FOXP1: variants seen among roughly 807,000 people sequenced by gnomAD.
FOXP1 encodes forkhead box protein P1.
A neutral mutation model predicts 98.2 loss-of-function variants in FOXP1; 15 were observed. That is an observed-to-expected ratio of 0.15 (90% CI 0.10 to 0.24). FOXP1 has a LOEUF of 0.24. Among genes scored for constraint, FOXP1 ranks in the 10% least tolerant of loss-of-function variants. The pLI, the probability that FOXP1 is intolerant of heterozygous loss-of-function variation, is 1.00. For missense variants in FOXP1, 633 were observed against 848.5 expected, an observed-to-expected ratio of 0.75 and a Z score of 3.15; for synonymous variants, 371 against 314.5, an observed-to-expected ratio of 1.18 and a Z score of -1.90.
At chr3:71,322,251 T>C (rs960572195) in intron 4 of FOXP1, among the ~76,000 whole-genome samples, 4 of 152,190 alleles carry the variant, frequency 2.6e-5, no homozygotes, top group African/African-American at 9.6e-5. Flanking sequence ...TGAAAAACAG[T>C]AGTCATTAGC....
chr3:71,040,119 G>C (rs376813143), intron 11 of FOXP1, among the ~76,000 whole-genome samples: 6 of 148,762 alleles, frequency 4.0e-5, no homozygotes, highest in African/African-American at 1.2e-4. Context: ...ATGTATCTCT[G>C]TGTGTGTGTG....
intron 5 of FOXP1, among the ~76,000 whole-genome samples, chr3:71,221,168 T>C (rs1306857801): frequency 6.6e-6 from 1 of 152,208 alleles, no homozygotes; most frequent in East Asian, 1.9e-4. Context: ...GATCAGCAGC[T>C]GCATTAGATT....
At chr3:71,295,324 T>A (rs1028511764) in intron 5 of FOXP1, among the ~76,000 whole-genome samples, 3 of 152,168 alleles carry the variant, frequency 2.0e-5, no homozygotes, top group Non-Finnish European at 4.4e-5. Flanking sequence ...TTCAAATCAC[T>A]CACATATACA....
At chr3:71,117,255 T>G (rs2058440467) in intron 6 of FOXP1, among the ~76,000 whole-genome samples, 1 of 152,032 alleles carries the variant, frequency 6.6e-6, no homozygotes, top group Non-Finnish European at 1.5e-5. Context: ...ATCCAACTAA[T>G]TTTTCCATTT....
At position 71,406,940 on chromosome 3, in the gene FOXP1, C is replaced by A. The variant is rs558641443; in HGVS notation, c.-167-47696G>T. ...CAGTGCTTGGAGCACACCAGGGGCT[C>A]AACAGATGCTTATGGAGGGAAAGAA... is the stretch of plus-strand genomic sequence containing the variant. On this transcript the variant is annotated intron_variant, in intron 3 of 20. Transcript: ENST00000649528. Among the ~76,000 whole-genome samples, 294 of 152,066 alleles carry A rather than the reference C, an allele frequency of 1.9e-3. 1 individual carries two copies. The highest frequency in any genetic ancestry group is 6.8e-3 in the African/African-American group (284 of 41,464).
chr3:71,267,275 T>C (rs1361987123), intron 5 of FOXP1, among the ~76,000 whole-genome samples: 2 of 152,168 alleles, frequency 1.3e-5, no homozygotes, highest in Non-Finnish European at 2.9e-5. Flanking sequence ...GGCCCAGGTG[T>C]CTCTCCACTT....
At chr3:71,561,131 A>G (rs1013881530) in intron 2 of FOXP1, among the ~76,000 whole-genome samples, 1 of 152,018 alleles carries the variant, frequency 6.6e-6, no homozygotes, top group Non-Finnish European at 1.5e-5. Context: ...ATCTCGGCTC[A>G]CTGCAACCTC....
At chr3:71,048,953 C>T (rs775522724) in intron 9 of FOXP1, among the ~76,000 whole-genome samples, 1 of 152,036 alleles carries the variant, frequency 6.6e-6, no homozygotes, top group Non-Finnish European at 1.5e-5. Context: ...AAGCTGTCTA[C>T]GTTTGAAAAG....
rs527976438 is a variant in FOXP1 at position 71,576,570 on chromosome 3, G to T, written c.-298+4979C>A. Among the ~76,000 whole-genome samples the T allele has an allele frequency of 6.6e-5, 10 of 152,196 alleles. No individual in the cohort carries two copies. The South Asian group carries it at 1.2e-3, about 19-fold the overall frequency. On this transcript the variant is annotated intron_variant, in intron 2 of 20. Coordinates refer to ENST00000649528, the MANE Select transcript of FOXP1 (RefSeq NM_001349338.3). ...AAATAGATTATTAGTTGTCAGAATC[G>T]AATATAAATTTTGTTTACGATTTAG...
chr3:71,583,741 C>T (rs1269899865), upstream of FOXP1: 4 of 985,440 alleles, frequency 4.1e-6, no homozygotes, highest in African/African-American at 3.5e-5. Flanking sequence ...CGTGCAACCG[C>T]CACACAATAA....
chr3:71,468,988 G>A (rs532262383), intron 3 of FOXP1, among the ~76,000 whole-genome samples: 2 of 152,236 alleles, frequency 1.3e-5, no homozygotes, highest in South Asian at 2.1e-4. Context: ...GAGGCCTGTC[G>A]AATACTTCCA....
At chr3:71,272,265 T>G (rs2070438447) in intron 5 of FOXP1, among the ~76,000 whole-genome samples, 4 of 152,188 alleles carry the variant, frequency 2.6e-5, no homozygotes, top group Admixed American at 2.6e-4. Flanking sequence ...AATAGATTAC[T>G]AGGGAAATTC....
intron 2 of FOXP1, among the ~76,000 whole-genome samples, chr3:71,549,641 C>T (rs887333943): frequency 2.0e-5 from 3 of 152,138 alleles, no homozygotes; most frequent in Non-Finnish European, 4.4e-5. Flanking sequence ...TCCCAAAGTA[C>T]TGGGATTACA....
intron 5 of FOXP1, among the ~76,000 whole-genome samples, chr3:71,251,886 A>G (rs1323344439): frequency 6.6e-6 from 1 of 152,172 alleles, no homozygotes; most frequent in Non-Finnish European, 1.5e-5. Context: ...TATGGCACAC[A>G]CTACCGGATG....
intron 4 of FOXP1, among the ~76,000 whole-genome samples, chr3:71,357,386 C>T (rs572353172): frequency 3.9e-5 from 6 of 152,210 alleles, no homozygotes; most frequent in African/African-American, 1.4e-4. Flanking sequence ...ATTAAACAGG[C>T]TAAAATTCTA....
intron 5 of FOXP1, among the ~76,000 whole-genome samples, chr3:71,222,225 C>A (rs1315329590): frequency 6.6e-6 from 1 of 152,048 alleles, no homozygotes; most frequent in African/African-American, 2.4e-5. Context: ...GGGGCGGAAC[C>A]CTGGAGGCAG....
chr3:71,219,139 A>G (rs1316666218), intron 5 of FOXP1, among the ~76,000 whole-genome samples: 1 of 152,056 alleles, frequency 6.6e-6, no homozygotes, highest in Non-Finnish European at 1.5e-5. Context: ...TCCTATTTAA[A>G]TATTACCTGC....
At chr3:71,109,113 C>T (rs2057698487) in intron 7 of FOXP1, among the ~76,000 whole-genome samples, 1 of 152,174 alleles carries the variant, frequency 6.6e-6, no homozygotes, top group Non-Finnish European at 1.5e-5. Flanking sequence ...AATATCTATA[C>T]CCGATTAATG....
chr3:71,148,335 C>T (rs2060415171), intron 6 of FOXP1, among the ~76,000 whole-genome samples: 1 of 152,052 alleles, frequency 6.6e-6, no homozygotes, highest in Non-Finnish European at 1.5e-5. Context: ...AGAGATCATG[C>T]CATTCATTGC....
Sources: allele counts gnomAD v4.1 joint callset (sites outside exome capture counted in the v4.1 genomes callset), GRCh38; gene constraint gnomAD v4.1.1; transcripts MANE v1.5; gene names NCBI Gene and HGNC (gene_info 2026-07-23, HGNC 2026-07-21).